CEP104: variants seen among roughly 807,000 people sequenced by gnomAD.
CEP104 encodes the protein centrosomal protein 104, also known as centrosomal protein of 104 kDa.
A neutral mutation model predicts 113.3 loss-of-function variants in CEP104; 84 were observed. That is an observed-to-expected ratio of 0.74 (90% confidence interval 0.62 to 0.89). CEP104 has a LOEUF of 0.89. Among genes scored for constraint, CEP104 ranks in the 40% least tolerant of loss-of-function variants. The probability of loss-of-function intolerance (pLI) is 0.00; values close to 1 mark genes in which losing one functional copy is unlikely to be tolerated. For missense variants in CEP104, 1,053 were observed against 1,156.6 expected (o/e 0.91, Z 1.30); for synonymous variants, 378 against 421.7 (o/e 0.90, Z 1.27).
chr1:3,847,390 A>C, intron 4 of CEP104, 85 bp downstream of exon 4: 1 of 1,275,920 alleles, frequency 7.8e-7, no homozygotes, highest in East Asian at 2.3e-5. Context: ...TCACCTTGAA[A>C]ATGCATCTAA....
At chr1:3,835,461 C>A (rs922863214) in intron 10 of CEP104, among the ~76,000 whole-genome samples, 5 of 152,196 alleles carry the variant, frequency 3.3e-5, no homozygotes, top group Non-Finnish European at 7.3e-5. Context: ...CCTCTGTCCC[C>A]CTGCGGGTTC....
At chr1:3,848,341 G>C (rs1271400643) in intron 3 of CEP104, among the ~76,000 whole-genome samples, 2 of 151,908 alleles carry the variant, frequency 1.3e-5, no homozygotes, top group Non-Finnish European at 2.9e-5. Context: ...GACCATCCTG[G>C]CTAACATGGT....
intron 20 of CEP104, chr1:3,822,886 G>C (rs765635791): frequency 6.4e-4 from 236 of 367,662 alleles, no homozygotes; most frequent in Non-Finnish European, 1.0e-3. Flanking sequence ...GCAATGACCA[G>C]AACAAAATAA....
rs866682675 is a variant in CEP104, at chr1:3,831,132, C to A, written c.1750G>T (p.Ala584Ser). The A allele has an allele frequency of 1.9e-6, 3 of 1,614,196 alleles. No homozygotes were observed. Among genetic ancestry groups the A allele is most frequent in the Admixed American group, 3.3e-5 (2 of 60,026 alleles). ...GCCAGGAGGCCCATCTGACTCATTG[C>A]CAGGTGAACTGAAGAGTTTGCTTTC... ...PLKANSSVHL[A>S]MSQMGLLARL... Residue 584 changes from alanine (A) to serine (S), a missense_variant, in exon 13 of 22, where the codon GCA (alanine) becomes TCA (serine). Physicochemically the swap from Ala to Ser is moderately conservative, Grantham distance 99. Transcript: ENST00000378230.
intron 11 of CEP104, 134 bp downstream of exon 11, chr1:3,834,791 T>C (rs2124668119): frequency 2.8e-6 from 2 of 724,844 alleles, no homozygotes; most frequent in Non-Finnish European, 2.2e-6. Flanking sequence ...CATTTCTTAG[T>C]GATTCTATTG....
chr1:3,824,503 T>A (rs1344480288), intron 18 of CEP104, among the ~76,000 whole-genome samples: 6 of 152,148 alleles, frequency 3.9e-5, no homozygotes, highest in Non-Finnish European at 7.4e-5. Context: ...AATGCTAACA[T>A]TAAAAATGCG....
At chr1:3,826,650 T>A in intron 16 of CEP104, 58 bp downstream of exon 16, 1 of 1,591,056 alleles carries the variant, frequency 6.3e-7, no homozygotes, top group Non-Finnish European at 8.6e-7. Context: ...GACATGCATT[T>A]ACACACCCCG....
At chr1:3,822,938 A>T in intron 20 of CEP104, 1 of 518,260 alleles carries the variant, frequency 1.9e-6, no homozygotes, top group Middle Eastern at 5.3e-4. Context: ...GCTGGGCCTC[A>T]GTGAGTTGAG....
chr1:3,846,524 A>C (rs1042043052), intron 4 of CEP104, among the ~76,000 whole-genome samples: 3 of 152,364 alleles, frequency 2.0e-5, no homozygotes, highest in Admixed American at 1.3e-4. Flanking sequence ...ACATAAGGAC[A>C]ATAAATAATC....
Position 3,836,079 on chromosome 1 carries a change from A to C in CEP104, c.1317+416T>G, listed in dbSNP as rs7537755. Among the ~76,000 whole-genome samples, 900 of 152,106 alleles carry C rather than the reference A, an allele frequency of 5.9e-3. 9 individuals carry two copies. Among genetic ancestry groups the C allele is most frequent in the African/African-American group, 0.02 (837 of 41,486 alleles). ...CACTTTGGGAGGCCAAGGTGAGTGG[A>C]TCACAAGATCAGGAGATCGAGACCA... On this transcript the variant is annotated intron_variant, in intron 10 of 21. Coordinates refer to ENST00000378230, the MANE Select transcript of CEP104 (RefSeq NM_014704.4).
At chr1:3,853,887 G>A (rs887727005) in intron 1 of CEP104, among the ~76,000 whole-genome samples, 1 of 152,156 alleles carries the variant, frequency 6.6e-6, no homozygotes, top group Non-Finnish European at 1.5e-5. Context: ...TTGAGCCCAG[G>A]AGTTCGAGAC....
chr1:3,838,962 A>G lies in CEP104; in HGVS notation c.891+2T>C. The G allele has an allele frequency of 2.5e-6, 4 of 1,613,980 alleles. No homozygotes were observed. The highest frequency in any genetic ancestry group is 3.4e-6 in the Non-Finnish European group (4 of 1,179,990). ...CCACTCCGTCTGGGCTCCTGCACCCACCAGCTCGGCATCCAGGAGGCTGTG... is the reference window on the plus strand; with the variant it reads ...CCACTCCGTCTGGGCTCCTGCACCCGCCAGCTCGGCATCCAGGAGGCTGTG... On this transcript the variant is annotated splice_donor_variant, in intron 8 of 21. Transcript: ENST00000378230. LOFTEE classifies it high-confidence loss of function.
At chr1:3,847,009 C>T (rs1476624083) in intron 4 of CEP104, among the ~76,000 whole-genome samples, 1 of 152,130 alleles carries the variant, frequency 6.6e-6, no homozygotes, top group Non-Finnish European at 1.5e-5. Context: ...ACCTTGTGCA[C>T]GTTGGGAGGG....
chr1:3,817,172 A>C (rs765697178), intron 20 of CEP104, among the ~76,000 whole-genome samples: 10 of 152,128 alleles, frequency 6.6e-5, no homozygotes, highest in Non-Finnish European at 1.3e-4. Flanking sequence ...CTCTACTAAA[A>C]ACACAAAATT....
At chr1:3,821,543 G>A (rs1413885456) in intron 20 of CEP104, among the ~76,000 whole-genome samples, 1 of 152,230 alleles carries the variant, frequency 6.6e-6, no homozygotes, top group Non-Finnish European at 1.5e-5. Flanking sequence ...ATGAACGAAG[G>A]AGGGATGACA....
At chr1:3,816,736 C>T (rs77285885) in intron 20 of CEP104, among the ~76,000 whole-genome samples, 3,290 of 152,350 alleles carry the variant, frequency 0.022, 72 homozygotes, top group East Asian at 0.1. Flanking sequence ...GAAGACAGAA[C>T]GCGCCAGGCA....
intron 6 of CEP104, among the ~76,000 whole-genome samples, chr1:3,843,904 G>T (rs1644460264): frequency 6.6e-6 from 1 of 151,968 alleles, no homozygotes; most frequent in Non-Finnish European, 1.5e-5. Context: ...TGGGATTACA[G>T]GTGCGCGCCA....
rs940994292 is a variant in CEP104 at position 3,813,490 on chromosome 1, C to G, written c.*1912G>C. On this transcript the variant is annotated 3_prime_UTR_variant, in exon 22 of 22. Coordinates refer to ENST00000378230, the MANE Select transcript of CEP104 (RefSeq NM_014704.4). ...GAACTCCTGACCTCAGGTGGTCCGC[C>G]CGCCTCGGCCTCCCAAAGTGCTGGG... 1.9e-4 allele frequency: 28 copies of G among 150,022 alleles called. No homozygotes were observed. Among genetic ancestry groups the G allele is most frequent in the African/African-American group, 6.8e-4 (28 of 41,074 alleles). The allele number at this position is 150,022 out of a possible 1,614,324, so 9.3% of individuals were successfully genotyped here. A position where few individuals can be genotyped will look rare whatever the true frequency, so the allele number is the denominator to read the frequency against.
chr1:3,830,570 G>A (rs942374897), intron 13 of CEP104, among the ~76,000 whole-genome samples: 10 of 151,830 alleles, frequency 6.6e-5, no homozygotes, highest in Admixed American at 1.3e-4. Context: ...TCAGGAGATC[G>A]AGACCATCCT....
Sources: allele counts gnomAD v4.1 joint callset (sites outside exome capture counted in the v4.1 genomes callset), GRCh38; gene constraint gnomAD v4.1.1; transcripts MANE v1.5; gene names NCBI Gene and HGNC (gene_info 2026-07-23, HGNC 2026-07-21).